The following SRRM4 variants were observed in gnomAD, a reference collection of about 807,000 sequenced individuals.
SRRM4 encodes the protein serine/arginine repetitive matrix 4.
In SRRM4, 33 loss-of-function variants were observed where a neutral mutation model predicts 68.9. The observed-to-expected ratio is 0.48, with a 90% confidence interval of 0.36 to 0.64. SRRM4 has a LOEUF of 0.64. Ranked by LOEUF, SRRM4 falls within the 30% of genes least tolerant of loss-of-function variation. The probability of loss-of-function intolerance (pLI) is 0.00; values close to 1 mark genes in which losing one functional copy is unlikely to be tolerated. For missense variants in SRRM4, 817 were observed against 827.1 expected, an observed-to-expected ratio of 0.99 and a Z score of 0.15; for synonymous variants, 318 against 318.8, an observed-to-expected ratio of 1.00 and a Z score of 0.03.
At chr12:119,094,431 C>T (rs938406211) in intron 1 of SRRM4, among the ~76,000 whole-genome samples, 1 of 152,198 alleles carries the variant, frequency 6.6e-6, no homozygotes. Flanking sequence ...GACCCATGCA[C>T]ATGAAGGCTT....
chr12:119,039,579 G>A (rs974675097), intron 1 of SRRM4, among the ~76,000 whole-genome samples: 3 of 152,116 alleles, frequency 2.0e-5, no homozygotes, highest in Admixed American at 6.5e-5. Context: ...GACTTCCCCA[G>A]TTTCGTCACT....
At chr12:119,062,723 A>T (rs1453662722) in intron 1 of SRRM4, among the ~76,000 whole-genome samples, 1 of 152,220 alleles carries the variant, frequency 6.6e-6, no homozygotes, top group African/African-American at 2.4e-5. Flanking sequence ...AGAATTTTTC[A>T]TCTACATTAT....
At chr12:119,095,908 C>T (rs954038953) in intron 1 of SRRM4, among the ~76,000 whole-genome samples, 10 of 145,500 alleles carry the variant, frequency 6.9e-5, no homozygotes, top group African/African-American at 2.3e-4. Flanking sequence ...TGCAGTGAGC[C>T]GAGATCATGC....
chr12:119,153,787 CT>C, intron 11 of SRRM4, 138 bp downstream of exon 11: 1 of 649,130 alleles, frequency 1.5e-6, no homozygotes, highest in Non-Finnish European at 2.7e-6. Flanking sequence ...TTACAGTTCC[CT>C]TTGTCCAATC....
intron 9 of SRRM4, among the ~76,000 whole-genome samples, chr12:119,150,056 C>T (rs1954428886): frequency 6.6e-6 from 1 of 152,178 alleles, no homozygotes; most frequent in Admixed American, 6.5e-5. Flanking sequence ...AAACCAACAA[C>T]AGGTCATCTT....
At position 119,076,938 on chromosome 12, in the gene SRRM4, C is replaced by T. The variant is rs151042768; in HGVS notation, c.132-25298C>T. 6.3e-4 allele frequency among the ~76,000 whole-genome samples: 66 copies of T among 105,360 alleles called. No individual in the cohort carries two copies. In the Middle Eastern group the frequency reaches 0.02, roughly 32 times the overall value. The allele number at this position is 105,360 out of a possible 152,430, so 69.1% of individuals were successfully genotyped here. Reference sequence around the variant, plus strand: ...AAAGCACTGGGAAATGTTCTGGGCTCCTAAATTTAAAGGGGGTATTTTTAG... The same window carrying T: ...AAAGCACTGGGAAATGTTCTGGGCTTCTAAATTTAAAGGGGGTATTTTTAG... On this transcript the variant is annotated intron_variant, in intron 1 of 12. Transcript: ENST00000267260.
In SRRM4 at chr12:119,095,891, C is replaced by T. The variant is rs547602152; in HGVS notation, c.132-6345C>T. Among the ~76,000 whole-genome samples the T allele has an allele frequency of 7.9e-4, 111 of 140,046 alleles. 2 individuals carry two copies. Among genetic ancestry groups the T allele is most frequent in the African/African-American group, 2.8e-3 (107 of 37,618 alleles). 91.9% of individuals were successfully genotyped at this position (140,046 alleles called of 152,430 possible). ...AGGAGAATCACTTGAACCCGGGAGGCGGATGTTGCAGTGAGCCGAGATCAT... is the reference window on the plus strand; with the variant it reads ...AGGAGAATCACTTGAACCCGGGAGGTGGATGTTGCAGTGAGCCGAGATCAT... On this transcript the variant is annotated intron_variant, in intron 1 of 12. Transcript: ENST00000267260.
intron 8 of SRRM4, 89 bp downstream of exon 8, chr12:119,130,923 C>A (rs1484649762): frequency 7.8e-7 from 1 of 1,286,122 alleles, no homozygotes; most frequent in Non-Finnish European, 1.0e-6. Context: ...GTATGGTACA[C>A]TTTAATTCAA....
At chr12:119,012,850 T>C (rs117387588) in intron 1 of SRRM4, among the ~76,000 whole-genome samples, 552 of 152,316 alleles carry the variant, frequency 3.6e-3, no homozygotes, top group Non-Finnish European at 6.1e-3. Context: ...TCTGTTGATA[T>C]TTACTACATC....
intron 6 of SRRM4, among the ~76,000 whole-genome samples, chr12:119,122,367 T>C (rs932331189): frequency 1.3e-5 from 2 of 151,562 alleles, no homozygotes; most frequent in African/African-American, 4.9e-5. Flanking sequence ...AAGGCATAAC[T>C]GCGTGTGTTG....
intron 1 of SRRM4, among the ~76,000 whole-genome samples, chr12:119,060,431 A>T (rs7979364): frequency 0.58 from 85,525 of 147,620 alleles, 25,704 homozygotes; most frequent in Middle Eastern, 0.74. Flanking sequence ...TTTATGTGAC[A>T]TGGATAACTA....
At chr12:118,990,956 C>G (rs1953312874) in intron 1 of SRRM4, among the ~76,000 whole-genome samples, 2 of 152,126 alleles carry the variant, frequency 1.3e-5, no homozygotes, top group South Asian at 4.1e-4. Context: ...AGTACCCACC[C>G]CGCACCCAGC....
At chr12:119,045,493 C>A (rs964324138) in intron 1 of SRRM4, among the ~76,000 whole-genome samples, 1 of 148,724 alleles carries the variant, frequency 6.7e-6, no homozygotes, top group East Asian at 2.0e-4. Context: ...CGCTCCCCCC[C>A]GCCCCAAAAC....
intron 1 of SRRM4, among the ~76,000 whole-genome samples, chr12:119,085,436 G>C (rs1210620547): frequency 6.6e-6 from 1 of 152,244 alleles, no homozygotes; most frequent in Non-Finnish European, 1.5e-5. Flanking sequence ...ATGCCCTTGA[G>C]TTTCATGTTC....
intron 5 of SRRM4, among the ~76,000 whole-genome samples, chr12:119,121,746 C>T (rs1565913143): frequency 1.3e-5 from 2 of 152,194 alleles, no homozygotes; most frequent in Admixed American, 1.3e-4. Context: ...CGAAAGTATT[C>T]AACAGAGTGC....
chr12:119,082,034 G>A (rs1355250230), intron 1 of SRRM4, among the ~76,000 whole-genome samples: 3 of 152,198 alleles, frequency 2.0e-5, no homozygotes, highest in East Asian at 1.9e-4. Context: ...GGATCAGCAC[G>A]CCACACAGTA....
In SRRM4 at chr12:119,118,349, T is replaced by A. The variant is rs140511203; in HGVS notation, c.437+1341T>A. 3.4e-3 allele frequency among the ~76,000 whole-genome samples: 520 copies of A among 152,386 alleles called. 3 individuals carry two copies. The highest frequency in any genetic ancestry group is 0.02 in the Middle Eastern group (6 of 294). Reference sequence around the variant, plus strand: ...ATTACTTGTGCAATTAACAACAGAATGAATGAGAGGTAAGAGGTTGTTTGG... The same window carrying A: ...ATTACTTGTGCAATTAACAACAGAAAGAATGAGAGGTAAGAGGTTGTTTGG... On this transcript the variant is annotated intron_variant, in intron 4 of 12. Coordinates refer to ENST00000267260, the MANE Select transcript of SRRM4 (RefSeq NM_194286.4).
At chr12:119,045,372 C>T (rs1404970492) in intron 1 of SRRM4, among the ~76,000 whole-genome samples, 3 of 139,124 alleles carry the variant, frequency 2.2e-5, no homozygotes, top group Non-Finnish European at 3.1e-5. Context: ...TTGATGAAAA[C>T]GCCTCCCTTC....
chr12:119,032,979 A>G (rs745603664), intron 1 of SRRM4, among the ~76,000 whole-genome samples: 3 of 152,154 alleles, frequency 2.0e-5, no homozygotes, highest in Admixed American at 6.5e-5. Flanking sequence ...ATTCCTAATG[A>G]TATGTATTCT....
Sources: allele counts gnomAD v4.1 joint callset (sites outside exome capture counted in the v4.1 genomes callset), GRCh38; gene constraint gnomAD v4.1.1; transcripts MANE v1.5; gene names NCBI Gene and HGNC (gene_info 2026-07-23, HGNC 2026-07-21).